Variants in ADGRA3 observed in about 807,000 individuals in gnomAD.
ADGRA3 encodes adhesion G protein-coupled receptor A3.
A neutral mutation model predicts 119.8 loss-of-function variants in ADGRA3; 56 were observed. That is an observed-to-expected ratio of 0.47 (90% CI 0.38 to 0.58). The LOEUF is 0.58. Among genes scored for constraint, ADGRA3 ranks in the 20% least tolerant of loss-of-function variants. ADGRA3 has a pLI of 0.00. For synonymous variants in ADGRA3, 607 were observed against 623.8 expected (o/e 0.97, Z 0.40); for missense variants, 1,516 against 1,649.0 (o/e 0.92, Z 1.40).
At chr4:22,430,784 T>C (rs1716131227) in intron 10 of ADGRA3, among the ~76,000 whole-genome samples, 1 of 115,086 alleles carries the variant, frequency 8.7e-6, no homozygotes, top group African/African-American at 3.0e-5. Flanking sequence ...TCAGAGGTCT[T>C]CACCGCAGCC....
intron 10 of ADGRA3, among the ~76,000 whole-genome samples, chr4:22,428,086 T>C (rs1716013938): frequency 6.6e-6 from 1 of 152,206 alleles, no homozygotes; most frequent in African/African-American, 2.4e-5. Context: ...TCTGCTAATT[T>C]AATACATTTC....
chr4:22,481,823 T>C (rs557724744), intron 1 of ADGRA3, among the ~76,000 whole-genome samples: 11 of 152,326 alleles, frequency 7.2e-5, no homozygotes, highest in Non-Finnish European at 1.3e-4. Flanking sequence ...CCAACTTCTG[T>C]TTTACTCTGT....
chr4:22,497,997 T>C (rs146186624), intron 1 of ADGRA3, among the ~76,000 whole-genome samples: 5,126 of 149,282 alleles, frequency 0.034, 137 homozygotes, highest in African/African-American at 0.066. Context: ...TCCCAACCCT[T>C]TGGCAGGCCG....
intron 2 of ADGRA3, among the ~76,000 whole-genome samples, chr4:22,465,703 C>A (rs1231821712): frequency 6.6e-6 from 1 of 152,128 alleles, no homozygotes; most frequent in South Asian, 2.1e-4. Flanking sequence ...TTAAGAAATT[C>A]GGCCAAGTTG....
intron 2 of ADGRA3, among the ~76,000 whole-genome samples, chr4:22,470,239 T>G (rs1206114834): frequency 6.7e-6 from 1 of 150,308 alleles, no homozygotes; most frequent in Non-Finnish European, 1.5e-5. Flanking sequence ...GAACCAAAAC[T>G]AGAAAACTAG....
At chr4:22,411,912 C>T (rs1472253710) in intron 14 of ADGRA3, among the ~76,000 whole-genome samples, 2 of 151,714 alleles carry the variant, frequency 1.3e-5, no homozygotes, top group Admixed American at 6.6e-5. Context: ...GCTTGCTTGA[C>T]CTGTGTACCA....
At chr4:22,438,637 C>T (rs773014308) in intron 7 of ADGRA3, among the ~76,000 whole-genome samples, 5 of 151,998 alleles carry the variant, frequency 3.3e-5, no homozygotes, top group South Asian at 2.1e-4. Context: ...ACAATCAGGG[C>T]AATAAGAGAC....
intron 3 of ADGRA3, among the ~76,000 whole-genome samples, chr4:22,460,177 T>C (rs993036397): frequency 6.6e-6 from 1 of 152,248 alleles, no homozygotes; most frequent in South Asian, 2.1e-4. Flanking sequence ...CTCTCTCCTT[T>C]CCCTAGCAGG....
At chr4:22,512,192 C>T (rs909725647) in intron 1 of ADGRA3, among the ~76,000 whole-genome samples, 6 of 152,050 alleles carry the variant, frequency 3.9e-5, no homozygotes, top group Non-Finnish European at 7.4e-5. Flanking sequence ...TGAGCCACTG[C>T]GCCCGCCCCA....
At chr4:22,479,937 T>C (rs1313383099) in intron 1 of ADGRA3, among the ~76,000 whole-genome samples, 4 of 151,616 alleles carry the variant, frequency 2.6e-5, no homozygotes, top group Admixed American at 1.3e-4. Context: ...TAAGTGGGAG[T>C]TGAACAATGA....
chr4:22,476,407 A>C (rs1718046358), intron 1 of ADGRA3, among the ~76,000 whole-genome samples: 1 of 152,202 alleles, frequency 6.6e-6, no homozygotes, highest in South Asian at 2.1e-4. Flanking sequence ...AGTTATAAGA[A>C]GAGTTAAACA....
intron 10 of ADGRA3, among the ~76,000 whole-genome samples, chr4:22,426,605 T>A (rs1367267932): frequency 1.3e-5 from 2 of 152,190 alleles, no homozygotes; most frequent in Non-Finnish European, 2.9e-5. Context: ...AACAAGCATA[T>A]AAATCCATTT....
intron 16 of ADGRA3, among the ~76,000 whole-genome samples, chr4:22,400,199 G>A (rs1436413254): frequency 6.6e-6 from 1 of 152,084 alleles, no homozygotes; most frequent in East Asian, 1.9e-4. Context: ...CTGAGACACA[G>A]AAGGGTTAGA....
At chr4:22,437,011 CAAAT>C (rs1346650528) in intron 8 of ADGRA3, among the ~76,000 whole-genome samples, 9 of 152,188 alleles carry the variant, frequency 5.9e-5, no homozygotes, top group Admixed American at 3.3e-4. Context: ...GTGTCAAAGA[CAAAT>C]AATTCATTGA....
At chr4:22,398,304 T>A (rs142256801) in intron 16 of ADGRA3, among the ~76,000 whole-genome samples, 9 of 152,172 alleles carry the variant, frequency 5.9e-5, no homozygotes, top group Non-Finnish European at 1.0e-4. Flanking sequence ...ACATTTTAAA[T>A]TGGATCTCAG....
At chr4:22,453,861 A>C (rs189214573) in intron 4 of ADGRA3, among the ~76,000 whole-genome samples, 159 of 149,640 alleles carry the variant, frequency 1.1e-3, no homozygotes, top group African/African-American at 3.7e-3. Context: ...TTTTTTTTTT[A>C]TTTTTTTGAG....
At position 22,436,614 on chromosome 4, in the gene ADGRA3, A is replaced by G. The variant is rs553773371; in HGVS notation, c.1113T>C (p.Thr371=). The G allele has an allele frequency of 3.7e-6, 6 of 1,614,110 alleles. No homozygotes were observed. In the South Asian group the frequency reaches 6.6e-5, roughly 18 times the overall value. ...FRWPRTLAGI[T]AYLQCTRNTH... ...TGTTCCGCGTACACTGCAGATATGC[A>G]GTAATGCCTGCCAATGTTCTGGGCC... The change falls in exon 9 of 19, where the codon ACT becomes ACC. Residue 371 remains threonine, a synonymous_variant. Transcript: ENST00000334304.
At chr4:22,398,292 ACAC>A (rs772482775) in intron 16 of ADGRA3, among the ~76,000 whole-genome samples, 1 of 152,198 alleles carries the variant, frequency 6.6e-6, no homozygotes, top group Non-Finnish European at 1.5e-5. Context: ...TGTTACACAC[ACAC>A]ATTTTAAATT....
At chr4:22,498,252 C>CA (rs72140644) in intron 1 of ADGRA3, among the ~76,000 whole-genome samples, 19,656 of 151,586 alleles carry the variant, frequency 0.13, 1,534 homozygotes, top group East Asian at 0.35. Context: ...GTTTCACAAA[C>CA]AAAAAATAAA....
Sources: allele counts gnomAD v4.1 joint callset (sites outside exome capture counted in the v4.1 genomes callset), GRCh38; gene constraint gnomAD v4.1.1; transcripts MANE v1.5; gene names NCBI Gene and HGNC (gene_info 2026-07-23, HGNC 2026-07-21).